The following DDX6 variants were observed in gnomAD, a reference collection of about 807,000 sequenced individuals.
DDX6 encodes the protein probable ATP-dependent RNA helicase DDX6.
DDX6 carries 7 observed loss-of-function variants against 60.6 expected under a neutral mutation model. The observed-to-expected ratio is 0.12, with a 90% CI of 0.07 to 0.22. The LOEUF (loss-of-function observed/expected upper bound fraction) is 0.22. Ranked by LOEUF, DDX6 falls within the 10% of genes least tolerant of loss-of-function variation. The pLI is 1.00. For synonymous variants in DDX6, 207 were observed against 201.0 expected (o/e 1.03, Z -0.25); for missense variants, 270 against 589.9 (o/e 0.46, Z 5.62).
chr11:118,755,381 T>C lies in DDX6; in HGVS notation c.1276+21A>G, dbSNP rs1160415733. ...CTCAAAAAAGAACTTCTACCAAGAA[T>C]ATCACCTCTTTTTTCCTCACCTGAT... is the stretch of plus-strand genomic sequence containing the variant. On this transcript the variant is annotated intron_variant, in intron 12 of 13. Transcript: ENST00000534980. 8.8e-6 allele frequency: 13 copies of C among 1,485,296 alleles called. No homozygotes were observed. The African/African-American group carries it at 1.4e-4, about 16-fold the overall frequency. 92.0% of individuals were successfully genotyped at this position (1,485,296 alleles called of 1,614,324 possible). A position where few individuals can be genotyped will look rare whatever the true frequency, so the allele number is the denominator to read the frequency against.
intron 10 of DDX6, 94 bp downstream of exon 10, chr11:118,757,077 T>TA: frequency 1.5e-6 from 1 of 677,314 alleles, no homozygotes; most frequent in South Asian, 3.4e-5. Flanking sequence ...AGGAACAGTT[T>TA]ATTCTTAAAC....
intron 10 of DDX6, among the ~76,000 whole-genome samples, chr11:118,756,749 C>A (rs1860991652): frequency 6.6e-6 from 1 of 152,170 alleles, no homozygotes; most frequent in Non-Finnish European, 1.5e-5. Context: ...AATACACTAT[C>A]CAGTAGCAAC....
chr11:118,789,403 T>A (rs767298457), intron 1 of DDX6: 4 of 152,108 alleles, frequency 2.6e-5, no homozygotes, highest in Non-Finnish European at 5.9e-5. Flanking sequence ...TTATATAAAA[T>A]ACACTAGCTT....
Position 118,751,736 on chromosome 11 carries a change from T to C in DDX6, c.*369A>G, listed in dbSNP as rs561717. 1.0e-5 allele frequency: 3 copies of C among 293,858 alleles called. No individual in the cohort carries two copies. The highest frequency in any genetic ancestry group is 2.3e-5 in the African/African-American group (1 of 44,094). The allele number at this position is 293,858 out of a possible 1,614,324, so 18.2% of individuals were successfully genotyped here. On this transcript the variant is annotated 3_prime_UTR_variant, in exon 14 of 14. Transcript: ENST00000534980. The stretch of plus-strand genomic sequence containing the variant: ...GTTGAAATGCACGAGAGTCAGCTGT[T>C]GGAGAATTTTGAAATCATTGACAAG...
At chr11:118,778,812 G>A (rs748815820) in intron 4 of DDX6, among the ~76,000 whole-genome samples, 2 of 151,950 alleles carry the variant, frequency 1.3e-5, no homozygotes, top group African/African-American at 2.4e-5. Flanking sequence ...TGCATTATTC[G>A]GGCTGAGAAA....
chr11:118,763,838 T>TAAAAAAAAA (rs58341763), intron 6 of DDX6, among the ~76,000 whole-genome samples: 5 of 134,372 alleles, frequency 3.7e-5, no homozygotes, highest in Admixed American at 7.6e-5. Context: ...TGTCTCAAAT[T>TAAAAAAAAA]AAAAAAAAAA....
At chr11:118,790,450 CTT>C (rs1468631635) in intron 1 of DDX6, 6 of 152,208 alleles carry the variant, frequency 3.9e-5, no homozygotes, top group African/African-American at 1.4e-4. Context: ...TAAATACCCT[CTT>C]GTTATTGACC....
At chr11:118,764,086 C>T (rs1403578036) in intron 6 of DDX6, among the ~76,000 whole-genome samples, 1 of 152,072 alleles carries the variant, frequency 6.6e-6, no homozygotes, top group Non-Finnish European at 1.5e-5. Flanking sequence ...GCACACCAGA[C>T]TTCTGACATA....
rs766012906 is a variant in DDX6 at position 118,786,132 on chromosome 11, T to C, written c.120A>G (p.Gln40=). 18 of 1,613,888 alleles carry C rather than the reference T, an allele frequency of 1.1e-5. No homozygotes were observed. In the African/African-American group the frequency reaches 1.2e-4, roughly 11 times the overall value. ...TGGTGTTTTTCAGCTGGTTCATCTG[T>C]TGCTGTGTCTGTGTGCCCCCTCCTC... The part of the protein sequence containing the change: ...GPGGGGTQTQ[Q]QMNQLKNTNT... The change falls in exon 2 of 14, where the codon CAA becomes CAG. Residue 40 remains glutamine, a synonymous_variant. Coordinates refer to ENST00000534980, the MANE Select transcript of DDX6 (RefSeq NM_004397.6).
intron 8 of DDX6, 114 bp from the exon 9 acceptor site, chr11:118,759,016 C>T (rs780972270): frequency 1.2e-5 from 16 of 1,362,766 alleles, no homozygotes; most frequent in Middle Eastern, 2.6e-4. Flanking sequence ...CTGTAAGGGA[C>T]GCAACTCTCT....
chr11:118,766,641 G>T (rs947163631), intron 5 of DDX6, among the ~76,000 whole-genome samples: 6 of 152,032 alleles, frequency 3.9e-5, no homozygotes, highest in Admixed American at 3.3e-4. Context: ...TGTCCAGGCT[G>T]AAGTGCAGTG....
chr11:118,759,754 C>A (rs1006611680), intron 8 of DDX6, among the ~76,000 whole-genome samples, 168 bp downstream of exon 8: 1 of 152,144 alleles, frequency 6.6e-6, no homozygotes. Context: ...CTTAAAAAGT[C>A]AGTTAATTTA....
rs1555157456 is a variant in DDX6, at chr11:118,751,857, A to T, written c.*248T>A. 2 of 431,572 alleles carry T rather than the reference A, an allele frequency of 4.6e-6. No homozygotes were observed. The highest frequency in any genetic ancestry group is 1.7e-5 in the South Asian group (1 of 59,068). The allele number at this position is 431,572 out of a possible 1,614,324, so 26.7% of individuals were successfully genotyped here. ...CCCCTTTCCCCAGAAAACATTTTTT[A>T]AAAACCAGCAGTTAGTGCAACTAAT... On this transcript the variant is annotated 3_prime_UTR_variant, in exon 14 of 14. Transcript: ENST00000534980.
intron 1 of DDX6, chr11:118,787,281 C>A (rs1487926092): frequency 6.6e-6 from 1 of 152,180 alleles, no homozygotes; most frequent in South Asian, 2.1e-4. Context: ...ATCAGCCTGG[C>A]CAAGATGGTG....
rs1204764898 is a variant in DDX6, at chr11:118,749,184, G to A, written c.*2921C>T. The A allele has an allele frequency of 1.3e-5, 2 of 151,778 alleles. No individual in the cohort carries two copies. Among genetic ancestry groups the A allele is most frequent in the African/African-American group, 4.8e-5 (2 of 41,304 alleles). The allele number at this position is 151,778 out of a possible 1,614,324, so 9.4% of individuals were successfully genotyped here. On this transcript the variant is annotated 3_prime_UTR_variant, in exon 14 of 14. Coordinates refer to ENST00000534980, the MANE Select transcript of DDX6 (RefSeq NM_004397.6). ...CCATTACACAACTGTACAACCAAAG[G>A]CTAAATGATGAGTTGGATGTAGTTT...
Position 118,754,706 on chromosome 11 carries a change from T to G in DDX6, c.*6A>C, listed in dbSNP as rs782449121. Reference sequence around the variant, plus strand: ...TTAGCTGTTCTGTCAGGGACGTACATGCTTGTTAAGGTTTCTCATCTTCTA... The same window carrying G: ...TTAGCTGTTCTGTCAGGGACGTACAGGCTTGTTAAGGTTTCTCATCTTCTA... On this transcript the variant is annotated splice_region_variant and 3_prime_UTR_variant, in exon 13 of 14. Transcript: ENST00000534980. The G allele has an allele frequency of 1.2e-6, 2 of 1,602,556 alleles. No individual in the cohort carries two copies. The highest frequency in any genetic ancestry group is 3.5e-5 in the Admixed American group (2 of 56,598).
chr11:118,770,513 CTCTT>C (rs1319297513), intron 4 of DDX6, among the ~76,000 whole-genome samples: 1 of 152,188 alleles, frequency 6.6e-6, no homozygotes, highest in African/African-American at 2.4e-5. Context: ...CACGACAACA[CTCTT>C]TCTACCTAGA....
intron 13 of DDX6, among the ~76,000 whole-genome samples, chr11:118,752,770 T>A (rs997811134): frequency 3.9e-5 from 6 of 152,064 alleles, no homozygotes; most frequent in Non-Finnish European, 8.8e-5. Context: ...TTCATGCATT[T>A]CTAACTAGAG....
rs1862064885 is a variant in DDX6 at position 118,786,092 on chromosome 11, C to T, written c.160G>A (p.Gly54Ser). The change falls in exon 2 of 14, where the codon GGC (glycine) becomes AGC (serine). Residue 54 changes from glycine (G) to serine (S), a missense_variant. This residue lies in a region of DDX6 where 102 missense variants were observed against 110.5 expected (regional missense o/e 0.92). Transcript: ENST00000534980. ...ATACTCTGTGCTTGCTGCTGAGTGCCATTATTGATTGTGTTGGTGTTTTTC... is the reference window on the plus strand; with the variant it reads ...ATACTCTGTGCTTGCTGCTGAGTGCTATTATTGATTGTGTTGGTGTTTTTC... ...QLKNTNTINNGTQQQAQSMTT... is the reference protein window; with the variant it reads ...QLKNTNTINNSTQQQAQSMTT... 1 of 1,613,730 alleles carries T rather than the reference C, an allele frequency of 6.2e-7. No individual in the cohort carries two copies. The highest frequency in any genetic ancestry group is 1.1e-5 in the South Asian group (1 of 91,072).
Sources: allele counts gnomAD v4.1 joint callset (sites outside exome capture counted in the v4.1 genomes callset), GRCh38; gene constraint gnomAD v4.1.1; regional missense constraint gnomAD v4.1.1; transcripts MANE v1.5; gene names NCBI Gene and HGNC (gene_info 2026-07-23, HGNC 2026-07-21).